DSC1: variants seen among roughly 807,000 people sequenced by gnomAD.
The protein encoded by DSC1 is desmocollin-1.
DSC1 carries 79 observed loss-of-function variants against 98.8 expected under a neutral mutation model. That is an observed-to-expected ratio of 0.80 (90% confidence interval 0.67 to 0.96). The LOEUF (loss-of-function observed/expected upper bound fraction) is 0.96, where lower values mean the gene tolerates loss of function less well. DSC1 is among the 50% of genes least tolerant of loss of function. The pLI is 0.00. For missense variants in DSC1, 1,115 were observed against 1,075.9 expected (o/e 1.04, Z -0.51); for synonymous variants, 405 against 372.1 (o/e 1.09, Z -1.02).
chr18:31,159,471 A>G lies in DSC1; in HGVS notation c.122T>C (p.Leu41Pro), dbSNP rs1248255544. 6.2e-7 allele frequency: 1 copy of G among 1,613,674 alleles called. No homozygotes were observed. The highest frequency in any genetic ancestry group is 1.7e-5 in the Admixed American group (1 of 59,998). ...TTTGCCTACAAGTGTTTCAGCCTGA[A>G]GATGAGAAGGAACTCGAAGATAAAC... ...QKVYLRVPSHLQAETLVGKVN... is the reference protein window; with the variant it reads ...QKVYLRVPSHPQAETLVGKVN... The change falls in exon 2 of 16, where the codon CTT (leucine) becomes CCT (proline). Residue 41 changes from leucine (L) to proline (P), a missense_variant. Physicochemically the swap from Leu to Pro is moderately conservative, Grantham distance 98 (BLOSUM62 -3). Transcript: ENST00000257198.
At chr18:31,151,891 G>A (rs944804691) in intron 5 of DSC1, among the ~76,000 whole-genome samples, 2 of 152,190 alleles carry the variant, frequency 1.3e-5, no homozygotes, top group African/African-American at 4.8e-5. Flanking sequence ...GCCGGGCACA[G>A]TGGCTCACAC....
chr18:31,154,874 C>A lies in DSC1; in HGVS notation c.527G>T (p.Gly176Val), dbSNP rs774730223. 2.0e-5 allele frequency: 33 copies of A among 1,614,032 alleles called. No individual in the cohort carries two copies. Among genetic ancestry groups the A allele is most frequent in the Non-Finnish European group, 2.6e-5 (31 of 1,179,964 alleles). Residue 176 changes from glycine to valine, a missense_variant, in exon 5 of 16, where the codon GGC (glycine) becomes GTC (valine). By Grantham distance (109) the Gly-to-Val change is moderately radical (BLOSUM62 -3). Coordinates refer to ENST00000257198, the MANE Select transcript of DSC1 (RefSeq NM_024421.2). ...CAAATTGAAGGGTTCTTTGTCCACG[C>A]CTGGCCCACTTATGGAATAAAAGAT... ...YTIFYSISGP[G>V]VDKEPFNLFY...
chr18:31,156,238 CAACA>C, intron 3 of DSC1, 76 bp from the exon 4 acceptor site: 1 of 1,548,684 alleles, frequency 6.5e-7, no homozygotes, highest in Non-Finnish European at 8.7e-7. Context: ...ACACATACAT[CAACA>C]AGCAGATGTA....
Position 31,131,825 on chromosome 18 carries a change from G to A in DSC1, c.2256C>T (p.Leu752=), listed in dbSNP as rs765807646. ...CACAAATGTTGGATGTCTGCATGGGGAGTCTAATATTTGCTTCCTAAAAGT... is the reference window on the plus strand; with the variant it reads ...CACAAATGTTGGATGTCTGCATGGGAAGTCTAATATTTGCTTCCTAAAAGT... The part of the protein sequence containing the change: ...GEEVTEANIR[L]PMQTSNICDT... Residue 752 remains leucine (L), a synonymous_variant, in exon 15 of 16, where the codon CTC becomes CTT. Transcript: ENST00000257198. The A allele has an allele frequency of 1.9e-6, 3 of 1,614,040 alleles. No homozygotes were observed. Among genetic ancestry groups the A allele is most frequent in the South Asian group, 2.2e-5 (2 of 91,074 alleles).
intron 7 of DSC1, among the ~76,000 whole-genome samples, 163 bp from the exon 8 acceptor site, chr18:31,143,954 G>C (rs1161390264): frequency 6.6e-6 from 1 of 151,996 alleles, no homozygotes; most frequent in East Asian, 1.9e-4. Flanking sequence ...CTGTCACCCA[G>C]GCTGGAGTGC....
chr18:31,132,645 T>C lies in DSC1; in HGVS notation c.2161A>G (p.Lys721Glu). The part of the protein sequence containing the change: ...CFCVTAKRTV[K>E]KCFPEDIAQQ... ...GCTATGTCTTCTGGAAAACATTTCTTGACTGTTCTCTTAGCAGTGACACAG... is the reference window on the plus strand; with the variant it reads ...GCTATGTCTTCTGGAAAACATTTCTCGACTGTTCTCTTAGCAGTGACACAG... Residue 721 changes from lysine to glutamate, a missense_variant, in exon 14 of 16, where the codon AAG becomes GAG. Lys to Glu is a moderately conservative substitution (Grantham distance 56, BLOSUM62 1). Transcript: ENST00000257198. 1 of 1,613,524 alleles carries C rather than the reference T, an allele frequency of 6.2e-7. No homozygotes were observed. The highest frequency in any genetic ancestry group is 8.5e-7 in the Non-Finnish European group (1 of 1,179,668).
intron 4 of DSC1, among the ~76,000 whole-genome samples, chr18:31,155,803 C>A (rs56143587): frequency 0.037 from 5,577 of 152,158 alleles, 333 homozygotes; most frequent in African/African-American, 0.13. Context: ...TAGACATAGA[C>A]CTAAGAGCAC....
rs138725016 is a variant in DSC1 at position 31,135,819 on chromosome 18, G to C, written c.1664-1035C>G. 3.4e-3 allele frequency among the ~76,000 whole-genome samples: 510 copies of C among 152,076 alleles called. 4 individuals are homozygous for C. The highest frequency in any genetic ancestry group is 5.5e-3 in the Non-Finnish European group (376 of 67,952). On this transcript the variant is annotated intron_variant, in intron 11 of 15. Coordinates refer to ENST00000257198, the MANE Select transcript of DSC1 (RefSeq NM_024421.2). ...ATATCAAAATTGAAATAAACAGAAAGGTAATTGATGTAATTTTTCATGTTT... is the reference window on the plus strand; with the variant it reads ...ATATCAAAATTGAAATAAACAGAAACGTAATTGATGTAATTTTTCATGTTT...
At chr18:31,148,378 G>T in intron 6 of DSC1, 120 bp downstream of exon 6, 1 of 1,254,458 alleles carries the variant, frequency 8.0e-7, no homozygotes, top group Non-Finnish European at 1.1e-6. Context: ...AAAAGTGTAT[G>T]TAATCAGAAA....
intron 11 of DSC1, among the ~76,000 whole-genome samples, chr18:31,136,763 C>T (rs531079020): frequency 3.9e-5 from 6 of 152,278 alleles, no homozygotes; most frequent in African/African-American, 9.6e-5. Flanking sequence ...TTCAAAGCCA[C>T]GCTGGGCTGC....
At chr18:31,144,120 G>A (rs1412318738) in intron 7 of DSC1, among the ~76,000 whole-genome samples, 1 of 152,044 alleles carries the variant, frequency 6.6e-6, no homozygotes, top group East Asian at 1.9e-4. Flanking sequence ...GTGTTGCCCA[G>A]GCTGGTCACG....
In DSC1 at chr18:31,139,648, C is replaced by T. The variant is rs1383566894; in HGVS notation, c.1663+100G>A. Reference sequence around the variant, plus strand: ...ATGAACAATAAAAATGCAAACATTGCTTGAATTATGTTTTGTCTAGAAATA... The same window carrying T: ...ATGAACAATAAAAATGCAAACATTGTTTGAATTATGTTTTGTCTAGAAATA... On this transcript the variant is annotated intron_variant, in intron 11 of 15. Transcript: ENST00000257198. 5.8e-6 allele frequency: 7 copies of T among 1,217,130 alleles called. 1 individual carries two copies. In the Admixed American group the frequency reaches 1.2e-4, roughly 21 times the overall value. The allele number at this position is 1,217,130 out of a possible 1,614,324, so 75.4% of individuals were successfully genotyped here. A position where few individuals can be genotyped will look rare whatever the true frequency, so the allele number is the denominator to read the frequency against.
chr18:31,132,045 G>C (rs1988504829), intron 14 of DSC1: 1 of 612,592 alleles, frequency 1.6e-6, no homozygotes, highest in Admixed American at 3.0e-5. Flanking sequence ...CAGTAACTCA[G>C]AATGTGAACT....
At chr18:31,150,405 C>G (rs1242744478) in intron 5 of DSC1, among the ~76,000 whole-genome samples, 2 of 12,028 alleles carry the variant, frequency 1.7e-4, no homozygotes, top group Admixed American at 8.6e-4. Context: ...ATTATCACCA[C>G]CACCACATCA....
chr18:31,142,171 A>G lies in DSC1; in HGVS notation c.1088T>C (p.Val363Ala). The change falls in exon 9 of 16, where the codon GTA (valine) becomes GCA (alanine). Residue 363 changes from valine (V) to alanine (A), a missense_variant. By Grantham distance (64) the Val-to-Ala change is moderately conservative. Transcript: ENST00000257198. ...SFTETSYVTE[V>A]EENRIDVEIL... Reference sequence around the variant, plus strand: ...CTCCACGTCAATTCTGTTTTCTTCTACTTCTGTAACATACTGAAAGAATTG... The same window carrying G: ...CTCCACGTCAATTCTGTTTTCTTCTGCTTCTGTAACATACTGAAAGAATTG... 1 of 1,611,298 alleles carries G rather than the reference A, an allele frequency of 6.2e-7. No homozygotes were observed. The highest frequency in any genetic ancestry group is 8.5e-7 in the Non-Finnish European group (1 of 1,179,350).
intron 14 of DSC1, 145 bp downstream of exon 14, chr18:31,132,423 T>C: frequency 8.6e-7 from 1 of 1,169,214 alleles, no homozygotes; most frequent in Non-Finnish European, 1.2e-6. Context: ...GTTTAAATGA[T>C]TTAAAACACT....
chr18:31,159,390 C>T, intron 2 of DSC1, 55 bp downstream of exon 2: 1 of 1,566,242 alleles, frequency 6.4e-7, no homozygotes, highest in Admixed American at 1.7e-5. Flanking sequence ...ACAAGAGCAG[C>T]CTGCAGCTAA....
rs745670805 is a variant in DSC1, at chr18:31,156,074, G to A, written c.440C>T (p.Ser147Leu). 4.3e-6 allele frequency: 7 copies of A among 1,614,002 alleles called. No homozygotes were observed. The highest frequency in any genetic ancestry group is 4.2e-6 in the Non-Finnish European group (5 of 1,180,030). The part of the protein sequence containing the change: ...APIPASLMEN[S>L]LGPFPQHVQQ... The stretch of plus-strand genomic sequence containing the variant: ...AACGTGTTGTGGAAATGGACCCAAC[G>A]AGTTCTCCATCAATGAAGCTGGAAT... The change falls in exon 4 of 16, where the codon TCG (serine) becomes TTG (leucine). Residue 147 changes from serine to leucine, a missense_variant. By Grantham distance (145) the Ser-to-Leu change is moderately radical (BLOSUM62 -2). Coordinates refer to ENST00000257198, the MANE Select transcript of DSC1 (RefSeq NM_024421.2).
intron 13 of DSC1, among the ~76,000 whole-genome samples, chr18:31,133,570 A>G (rs985051582): frequency 1.3e-5 from 2 of 152,140 alleles, no homozygotes; most frequent in South Asian, 2.1e-4. Flanking sequence ...ATTATTTTAC[A>G]TGGAGGGAAT....
Sources: allele counts gnomAD v4.1 joint callset (sites outside exome capture counted in the v4.1 genomes callset), GRCh38; gene constraint gnomAD v4.1.1; transcripts MANE v1.5; gene names NCBI Gene and HGNC (gene_info 2026-07-23, HGNC 2026-07-21).